Variants in PLPPR1 observed in about 807,000 individuals in gnomAD.
PLPPR1 encodes the protein phospholipid phosphatase related 1.
In PLPPR1, 10 loss-of-function variants were observed where a neutral mutation model predicts 33.1. The ratio of observed to expected loss-of-function variants is 0.30; its 90% CI spans 0.19 to 0.51. The LOEUF (loss-of-function observed/expected upper bound fraction) is 0.51. Ranked by LOEUF, PLPPR1 falls within the 20% of genes least tolerant of loss-of-function variation. The pLI, the probability that PLPPR1 is intolerant of heterozygous loss-of-function variation, is 0.97. For missense variants in PLPPR1, 304 were observed against 408.1 expected (o/e 0.74, Z 2.20); for synonymous variants, 151 against 151.0 (o/e 1.00, Z 0.00).
chr9:101,271,481 C>T (rs1253726469), intron 3 of PLPPR1, among the ~76,000 whole-genome samples: 1 of 152,154 alleles, frequency 6.6e-6, no homozygotes, highest in Non-Finnish European at 1.5e-5. Context: ...CCTCTTCTCT[C>T]CAATTCTAGA....
At chr9:101,090,609 T>C (rs968656542) in intron 1 of PLPPR1, among the ~76,000 whole-genome samples, 2 of 152,088 alleles carry the variant, frequency 1.3e-5, no homozygotes, top group African/African-American at 4.8e-5. Flanking sequence ...TTTTAACTGC[T>C]ATAACCTCTT....
At chr9:101,076,817 A>C (rs1415058212) in intron 1 of PLPPR1, among the ~76,000 whole-genome samples, 2 of 152,166 alleles carry the variant, frequency 1.3e-5, no homozygotes, top group Non-Finnish European at 2.9e-5. Flanking sequence ...CCTACTATAA[A>C]ATTCCTCTGG....
In PLPPR1 at chr9:101,235,308, A is replaced by G. The variant is rs546485482; in HGVS notation, c.64-34572A>G. ...ATTTGTTGTACTGAATAAGTTTCGAACACAGGGAGAACTGTTTAATTTCAC... is the reference window on the plus strand; with the variant it reads ...ATTTGTTGTACTGAATAAGTTTCGAGCACAGGGAGAACTGTTTAATTTCAC... On this transcript the variant is annotated intron_variant, in intron 2 of 7. Coordinates refer to ENST00000374874, the MANE Select transcript of PLPPR1 (RefSeq NM_207299.2). Among the ~76,000 whole-genome samples, 3 of 151,972 alleles carry G rather than the reference A, an allele frequency of 2.0e-5. 1 individual carries two copies. The South Asian group carries it at 6.2e-4, about 31-fold the overall frequency.
At chr9:101,134,385 ATTT>A (rs34613253) in intron 1 of PLPPR1, among the ~76,000 whole-genome samples, 1 of 145,844 alleles carries the variant, frequency 6.9e-6, no homozygotes, top group Non-Finnish European at 1.5e-5. Context: ...TAAGAACAGG[ATTT>A]TTTTTTTTTT....
intron 2 of PLPPR1, among the ~76,000 whole-genome samples, chr9:101,189,834 TTTAA>T (rs1288436236): frequency 1.3e-5 from 2 of 152,154 alleles, no homozygotes; most frequent in African/African-American, 4.8e-5. Context: ...TTAGTTTGTC[TTTAA>T]TTATATCAAA....
chr9:101,152,706 G>A (rs1378881514), intron 1 of PLPPR1, among the ~76,000 whole-genome samples: 1 of 147,612 alleles, frequency 6.8e-6, no homozygotes, highest in Non-Finnish European at 1.5e-5. Context: ...GTCAGATGGT[G>A]GTAGATGTGT....
In PLPPR1 at chr9:101,113,778, C is replaced by G. The variant is rs376400433; in HGVS notation, c.-45-71672C>G. On this transcript the variant is annotated intron_variant, in intron 1 of 7. Coordinates refer to ENST00000374874, the MANE Select transcript of PLPPR1 (RefSeq NM_207299.2). Reference sequence around the variant, plus strand: ...TTGATAGACATACCTTTTTTTTTCACAAGAAAACTTTTAAAAAAGCAATTT... The same window carrying G: ...TTGATAGACATACCTTTTTTTTTCAGAAGAAAACTTTTAAAAAAGCAATTT... Among the ~76,000 whole-genome samples the G allele has an allele frequency of 7.3e-5, 11 of 151,376 alleles. 1 individual carries two copies. The South Asian group carries it at 1.5e-3, about 20-fold the overall frequency.
chr9:101,239,313 T>C (rs909514568), intron 2 of PLPPR1, among the ~76,000 whole-genome samples: 2 of 151,960 alleles, frequency 1.3e-5, no homozygotes, highest in Admixed American at 1.3e-4. Context: ...CTACAATGGC[T>C]GTACTAATTT....
chr9:101,129,533 T>TAA (rs200536822), intron 1 of PLPPR1, among the ~76,000 whole-genome samples: 5 of 150,194 alleles, frequency 3.3e-5, no homozygotes, highest in African/African-American at 1.2e-4. Flanking sequence ...GCAATAGCAA[T>TAA]AAAAAAAAAG....
intron 2 of PLPPR1, among the ~76,000 whole-genome samples, chr9:101,210,615 T>C (rs1402786115): frequency 6.6e-6 from 1 of 152,246 alleles, no homozygotes; most frequent in African/African-American, 2.4e-5. Flanking sequence ...TCAATTTTGT[T>C]GATAAAAATG....
chr9:101,308,624 A>G (rs1328829467), intron 4 of PLPPR1, among the ~76,000 whole-genome samples: 1 of 152,122 alleles, frequency 6.6e-6, no homozygotes, highest in African/African-American at 2.4e-5. Flanking sequence ...ATGAAACTCC[A>G]ATTCAAGCAA....
chr9:101,092,993 A>T (rs1830766260), intron 1 of PLPPR1, among the ~76,000 whole-genome samples: 1 of 152,192 alleles, frequency 6.6e-6, no homozygotes, highest in African/African-American at 2.4e-5. Context: ...CAAATCTAAT[A>T]GCACTGTGGT....
chr9:101,040,470 A>G (rs1007111558), intron 1 of PLPPR1, among the ~76,000 whole-genome samples: 1 of 152,182 alleles, frequency 6.6e-6, no homozygotes, highest in African/African-American at 2.4e-5. Flanking sequence ...TACCCAAGAT[A>G]GAATCTGATT....
At chr9:101,218,328 A>G (rs544938972) in intron 2 of PLPPR1, among the ~76,000 whole-genome samples, 3 of 152,348 alleles carry the variant, frequency 2.0e-5, no homozygotes, top group African/African-American at 7.2e-5. Context: ...TATTGTATGC[A>G]TAATGATAAA....
intron 6 of PLPPR1, among the ~76,000 whole-genome samples, chr9:101,314,027 C>T (rs1035066578): frequency 3.3e-5 from 5 of 152,116 alleles, no homozygotes; most frequent in Admixed American, 2.0e-4. Context: ...CATGGTCACA[C>T]CTCAGAGATG....
intron 2 of PLPPR1, among the ~76,000 whole-genome samples, chr9:101,245,410 A>G (rs1232961860): frequency 2.0e-5 from 3 of 152,014 alleles, no homozygotes; most frequent in African/African-American, 7.2e-5. Flanking sequence ...TGAAATGATA[A>G]ATATAAAATT....
intron 1 of PLPPR1, among the ~76,000 whole-genome samples, chr9:101,132,612 C>T (rs1831326127): frequency 6.6e-6 from 1 of 151,994 alleles, no homozygotes; most frequent in African/African-American, 2.4e-5. Context: ...TATCCAAACC[C>T]AAAGAATATA....
At chr9:101,231,250 A>G (rs1359074030) in intron 2 of PLPPR1, among the ~76,000 whole-genome samples, 3 of 146,616 alleles carry the variant, frequency 2.0e-5, no homozygotes, top group Non-Finnish European at 4.5e-5. Flanking sequence ...GCGGGAAGGG[A>G]AAAAAGAAAC....
At chr9:101,258,955 A>G (rs369573725) in intron 2 of PLPPR1, among the ~76,000 whole-genome samples, 1 of 152,192 alleles carries the variant, frequency 6.6e-6, no homozygotes, top group East Asian at 1.9e-4. Context: ...CTATGTATTC[A>G]TCCATGTCAT....
Sources: allele counts gnomAD v4.1 joint callset (sites outside exome capture counted in the v4.1 genomes callset), GRCh38; gene constraint gnomAD v4.1.1; transcripts MANE v1.5; gene names NCBI Gene and HGNC (gene_info 2026-07-23, HGNC 2026-07-21).